The following FMNL2 variants were observed in gnomAD, a reference collection of about 807,000 sequenced individuals.
FMNL2 encodes formin-like protein 2.
In FMNL2, 51 loss-of-function variants were observed where a neutral mutation model predicts 130.2. The ratio of observed to expected loss-of-function variants is 0.39; its 90% confidence interval spans 0.31 to 0.49. The LOEUF is 0.49. Among genes scored for constraint, FMNL2 ranks in the 20% least tolerant of loss-of-function variants. FMNL2 has a pLI of 0.85. For missense variants in FMNL2, 977 were observed against 1,316.2 expected, an observed-to-expected ratio of 0.74 and a Z score of 3.99; for synonymous variants, 465 against 467.1, an observed-to-expected ratio of 1.00 and a Z score of 0.06.
intron 6 of FMNL2, among the ~76,000 whole-genome samples, chr2:152,570,968 A>G (rs1333523690): frequency 1.3e-5 from 2 of 152,216 alleles, no homozygotes; most frequent in Non-Finnish European, 2.9e-5. Flanking sequence ...TAACCCAGGG[A>G]GCATCTATTC....
intron 2 of FMNL2, among the ~76,000 whole-genome samples, chr2:152,530,738 T>G (rs962040570): frequency 2.0e-5 from 3 of 152,198 alleles, no homozygotes; most frequent in Admixed American, 2.0e-4. Flanking sequence ...TGATGAACTT[T>G]CAAGGAAAGA....
At chr2:152,639,044 C>G (rs759884397) in intron 23 of FMNL2, among the ~76,000 whole-genome samples, 5 of 42,824 alleles carry the variant, frequency 1.2e-4, no homozygotes, top group African/African-American at 1.9e-4. Flanking sequence ...TTCCACCTCA[C>G]TGTTCCTCCC....
intron 25 of FMNL2, chr2:152,643,687 T>C: frequency 7.0e-7 from 1 of 1,433,974 alleles, no homozygotes; most frequent in East Asian, 2.5e-5. Flanking sequence ...TCAATTATTA[T>C]TGCTCACTCA....
intron 1 of FMNL2, among the ~76,000 whole-genome samples, chr2:152,472,725 C>G (rs1689927288): frequency 6.6e-6 from 1 of 152,200 alleles, no homozygotes; most frequent in Non-Finnish European, 1.5e-5. Flanking sequence ...TCCAGGGTCT[C>G]ATTTGCAATC....
chr2:152,610,765 A>G (rs1443931848), intron 10 of FMNL2, among the ~76,000 whole-genome samples: 2 of 152,204 alleles, frequency 1.3e-5, no homozygotes, highest in Non-Finnish European at 2.9e-5. Context: ...AAAGATTTTT[A>G]TGTGGACGTA....
rs944271161 is a variant in FMNL2, at chr2:152,648,649, T to G, written c.*744T>G. 1 of 152,636 alleles carries G rather than the reference T, an allele frequency of 6.6e-6. No homozygotes were observed. Among genetic ancestry groups the G allele is most frequent in the Non-Finnish European group, 1.5e-5 (1 of 68,044 alleles). 9.5% of individuals were successfully genotyped at this position (152,636 alleles called of 1,614,324 possible). A position where few individuals can be genotyped will look rare whatever the true frequency, so the allele number is the denominator to read the frequency against. ...AAAATTAACATCTCAGTAATCAGCA[T>G]TAGCATTTCTGAGGACCATTATTAA... On this transcript the variant is annotated 3_prime_UTR_variant, in exon 26 of 26. Coordinates refer to ENST00000288670, the MANE Select transcript of FMNL2 (RefSeq NM_052905.4).
chr2:152,503,000 T>C (rs2105330314), intron 1 of FMNL2, among the ~76,000 whole-genome samples: 1 of 152,170 alleles, frequency 6.6e-6, no homozygotes, highest in East Asian at 1.9e-4. Flanking sequence ...TAGTTGGTGC[T>C]CTGTGGTTGA....
At chr2:152,391,672 G>C (rs1685115425) in intron 1 of FMNL2, among the ~76,000 whole-genome samples, 1 of 151,368 alleles carries the variant, frequency 6.6e-6, no homozygotes, top group Non-Finnish European at 1.5e-5. Flanking sequence ...TTTCCCGATA[G>C]GGGTTTTGAA....
intron 1 of FMNL2, among the ~76,000 whole-genome samples, chr2:152,350,250 G>T (rs13004494): frequency 0.078 from 11,882 of 152,058 alleles, 502 homozygotes; most frequent in African/African-American, 0.1. Flanking sequence ...AGTTTCCAGG[G>T]ACCCTGGAGC....
At chr2:152,464,373 A>G (rs935787916) in intron 1 of FMNL2, among the ~76,000 whole-genome samples, 6 of 152,048 alleles carry the variant, frequency 3.9e-5, no homozygotes, top group African/African-American at 1.4e-4. Flanking sequence ...TTTTAGCCTT[A>G]TTTTTCTAAA....
chr2:152,589,650 G>A (rs1697275354), intron 9 of FMNL2, among the ~76,000 whole-genome samples: 2 of 152,240 alleles, frequency 1.3e-5, no homozygotes, highest in South Asian at 4.1e-4. Flanking sequence ...GCTGTGAGCT[G>A]ATCAGAAAAT....
chr2:152,477,266 C>T (rs148021524), intron 1 of FMNL2, among the ~76,000 whole-genome samples: 2 of 152,292 alleles, frequency 1.3e-5, no homozygotes, highest in South Asian at 2.1e-4. Flanking sequence ...TATTTAGAGA[C>T]GAGCTTACTC....
At chr2:152,633,993 T>C (rs1342228449) in intron 21 of FMNL2, among the ~76,000 whole-genome samples, 2 of 152,190 alleles carry the variant, frequency 1.3e-5, no homozygotes, top group African/African-American at 4.8e-5. Flanking sequence ...CTCCATGTAC[T>C]TGGCACTATC....
chr2:152,542,421 G>A (rs1031632715), intron 2 of FMNL2, among the ~76,000 whole-genome samples: 37 of 152,186 alleles, frequency 2.4e-4, no homozygotes, highest in African/African-American at 8.7e-4. Flanking sequence ...TTCCTAGAAT[G>A]GAAGCTGCAG....
At chr2:152,580,925 AT>A in intron 8 of FMNL2, 30 bp from the exon 9 acceptor site, 1 of 1,595,474 alleles carries the variant, frequency 6.3e-7, no homozygotes, top group South Asian at 1.1e-5. Context: ...ATTTTCACTG[AT>A]TTGTGTTTTT....
At chr2:152,553,287 T>C (rs1450860511) in intron 4 of FMNL2, among the ~76,000 whole-genome samples, 1 of 152,224 alleles carries the variant, frequency 6.6e-6, no homozygotes, top group African/African-American at 2.4e-5. Flanking sequence ...AGATGGTACT[T>C]TTTTAGAAAC....
intron 2 of FMNL2, among the ~76,000 whole-genome samples, chr2:152,535,580 G>A (rs1347700071): frequency 6.6e-6 from 1 of 152,212 alleles, no homozygotes; most frequent in Non-Finnish European, 1.5e-5. Flanking sequence ...CTGGATAGGT[G>A]AAAGAGTAAA....
chr2:152,581,069 T>C lies in FMNL2; in HGVS notation c.876+20T>C, dbSNP rs191485401. The C allele has an allele frequency of 1.2e-3, 1,862 of 1,596,686 alleles. 20 individuals are homozygous for C. The African/African-American group carries it at 0.022, about 19-fold the overall frequency. ...AAAGAGGTAGGCTACACTATAGTTT[T>C]CATAAGAATACTCACACATCTTACA... On this transcript the variant is annotated intron_variant, in intron 9 of 25. Coordinates refer to ENST00000288670, the MANE Select transcript of FMNL2 (RefSeq NM_052905.4).
intron 1 of FMNL2, among the ~76,000 whole-genome samples, chr2:152,364,029 G>T (rs1450827122): frequency 6.6e-6 from 1 of 152,092 alleles, no homozygotes; most frequent in Non-Finnish European, 1.5e-5. Context: ...TGTTTTATTT[G>T]CCTGAGTGTA....
Sources: allele counts gnomAD v4.1 joint callset (sites outside exome capture counted in the v4.1 genomes callset), GRCh38; gene constraint gnomAD v4.1.1; transcripts MANE v1.5; gene names NCBI Gene and HGNC (gene_info 2026-07-23, HGNC 2026-07-21).